POLR1D: variants seen among roughly 807,000 people sequenced by gnomAD.
The protein encoded by POLR1D is DNA-directed RNA polymerases I and III subunit RPAC2.
A neutral mutation model predicts 10.8 loss-of-function variants in POLR1D; 8 were observed. The observed-to-expected ratio is 0.74, with a 90% CI of 0.43 to 1.33. The LOEUF (loss-of-function observed/expected upper bound fraction) is 1.33. Among genes scored for constraint, POLR1D ranks in the 40% most tolerant of loss-of-function variants. The probability of loss-of-function intolerance (pLI) is 0.01; values close to 1 mark genes in which losing one functional copy is unlikely to be tolerated. For synonymous variants in POLR1D, 54 were observed against 57.2 expected (o/e 0.94, Z 0.25); for missense variants, 152 against 161.7 (o/e 0.94, Z 0.32).
chr13:27,659,214 G>A (rs1177032674), intron 2 of POLR1D, among the ~76,000 whole-genome samples: 1 of 152,216 alleles, frequency 6.6e-6, no homozygotes, highest in Non-Finnish European at 1.5e-5. Flanking sequence ...CAGCAGGTAT[G>A]TTAAGAGGCT....
At chr13:27,627,930 A>G (rs1399164735), downstream of POLR1D, among the ~76,000 whole-genome samples, 1 of 152,150 alleles carries the variant, frequency 6.6e-6, no homozygotes, top group Admixed American at 6.5e-5. Flanking sequence ...GACAGATTCT[A>G]TAGAGGGGTA....
chr13:27,666,474 A>G (rs1956420209), exon 3 of POLR1D: 1 of 152,608 alleles, frequency 6.6e-6, no homozygotes, highest in South Asian at 2.1e-4. Flanking sequence ...TTAGGTGAAC[A>G]ATGTAGGAAA....
chr13:27,634,814 C>CAT (rs1438899792), intron 1 of POLR1D, among the ~76,000 whole-genome samples: 1 of 151,646 alleles, frequency 6.6e-6, no homozygotes, highest in Non-Finnish European at 1.5e-5. Flanking sequence ...TAGCTGGGAC[C>CAT]ATAGGTTCAA....
intron 1 of POLR1D, among the ~76,000 whole-genome samples, chr13:27,633,364 C>T (rs1026483177): frequency 2.0e-5 from 3 of 152,136 alleles, no homozygotes; most frequent in Non-Finnish European, 4.4e-5. Flanking sequence ...CCTGTTCTAC[C>T]CATATACCTA....
intron 1 of POLR1D, chr13:27,622,295 G>C (rs547042939): frequency 6.0e-5 from 33 of 552,584 alleles, no homozygotes; most frequent in Admixed American, 9.5e-5. Flanking sequence ...CTCTGCTCCT[G>C]AGGACGGTAC....
At chr13:27,626,371 T>C (rs1469834610), downstream of POLR1D, among the ~76,000 whole-genome samples, 2 of 152,228 alleles carry the variant, frequency 1.3e-5, no homozygotes, top group Non-Finnish European at 2.9e-5. Context: ...GAATTTAGAC[T>C]GATCACGTAG....
chr13:27,645,215 AGTTCT>A (rs1022874897), intron 1 of POLR1D, among the ~76,000 whole-genome samples: 2 of 152,080 alleles, frequency 1.3e-5, no homozygotes, highest in African/African-American at 4.8e-5. Flanking sequence ...CCTATCCCCC[AGTTCT>A]CTTTGAATGA....
At chr13:27,641,756 C>T (rs963119422) in intron 1 of POLR1D, among the ~76,000 whole-genome samples, 5 of 152,094 alleles carry the variant, frequency 3.3e-5, no homozygotes, top group African/African-American at 1.2e-4. Context: ...TCGGGAAAGG[C>T]TTGGTGGAGA....
At chr13:27,627,230 T>A (rs1956020439), downstream of POLR1D, among the ~76,000 whole-genome samples, 1 of 152,178 alleles carries the variant, frequency 6.6e-6, no homozygotes, top group African/African-American at 2.4e-5. Context: ...ATGTTGCTAT[T>A]TTCTTTTCCT....
At chr13:27,642,267 A>G (rs770637573) in intron 1 of POLR1D, among the ~76,000 whole-genome samples, 1 of 152,164 alleles carries the variant, frequency 6.6e-6, no homozygotes, top group Non-Finnish European at 1.5e-5. Context: ...AAAGTCCTCA[A>G]TCCTGACAGG....
At position 27,623,206 on chromosome 13, in the gene POLR1D, GA is replaced by G. The variant is rs1368626203; in HGVS notation, c.359del (p.Asp120AlafsTer32). 1.7e-5 allele frequency: 27 copies of G among 1,613,976 alleles called. No individual in the cohort carries two copies. Among genetic ancestry groups the G allele is most frequent in the Non-Finnish European group, 1.9e-5 (23 of 1,180,028 alleles). On this transcript the variant is annotated frameshift_variant, in exon 2 of 2. Coordinates refer to ENST00000302979, the MANE Select transcript of POLR1D (RefSeq NM_015972.4). LOFTEE classifies it high-confidence loss of function. ...TGACAAGTTTGAGGCCAGCATAAAG[GA>G]CTATAAGGATCAAAAAGCAAGCAGA... ...VLDKFEASIK[D>X]YKDQKASRNE...
chr13:27,655,004 T>C (rs1485200270), intron 2 of POLR1D, among the ~76,000 whole-genome samples: 1 of 152,160 alleles, frequency 6.6e-6, no homozygotes, highest in African/African-American at 2.4e-5. Context: ...ACGGGTCACA[T>C]GGTGAGAACT....
intron 2 of POLR1D, among the ~76,000 whole-genome samples, chr13:27,654,364 T>G (rs1228206284): frequency 6.6e-6 from 1 of 152,210 alleles, no homozygotes; most frequent in Non-Finnish European, 1.5e-5. Context: ...AGCTTCCAAA[T>G]GTTGACACGT....
At chr13:27,622,430 G>A (rs941904972) in intron 1 of POLR1D, 4 of 294,568 alleles carry the variant, frequency 1.4e-5, no homozygotes, top group African/African-American at 8.8e-5. Flanking sequence ...CATTCTCCTA[G>A]TTTCCTTCTC....
intron 2 of POLR1D, among the ~76,000 whole-genome samples, chr13:27,657,457 C>G (rs756737720): frequency 1.3e-5 from 2 of 152,010 alleles, no homozygotes; most frequent in African/African-American, 4.8e-5. Flanking sequence ...ACCTAGGAGG[C>G]GGAGGTTGCA....
At chr13:27,632,167 T>A (rs867049093) in intron 1 of POLR1D, among the ~76,000 whole-genome samples, 5 of 152,212 alleles carry the variant, frequency 3.3e-5, no homozygotes, top group South Asian at 4.1e-4. Flanking sequence ...TTTAAAAAGG[T>A]AGAATATCTC....
exon 3 of POLR1D, chr13:27,665,929 C>T (rs1246861000): frequency 3.7e-6 from 6 of 1,614,102 alleles, no homozygotes; most frequent in Admixed American, 3.3e-5. Context: ...AGGACAAGTA[C>T]GAAAAGCGGT....
intron 1 of POLR1D, chr13:27,646,287 T>C: frequency 6.6e-6 from 1 of 152,228 alleles, no homozygotes; most frequent in East Asian, 1.9e-4. Context: ...ATATTTGGAA[T>C]ATTTATACCC....
At chr13:27,636,573 T>G (rs1230403729) in intron 1 of POLR1D, among the ~76,000 whole-genome samples, 1 of 152,200 alleles carries the variant, frequency 6.6e-6, no homozygotes, top group Non-Finnish European at 1.5e-5. Flanking sequence ...AAGCAAACGC[T>G]AAGAGAGAAT....
Sources: allele counts gnomAD v4.1 joint callset (sites outside exome capture counted in the v4.1 genomes callset), GRCh38; gene constraint gnomAD v4.1.1; transcripts MANE v1.5; gene names NCBI Gene and HGNC (gene_info 2026-07-23, HGNC 2026-07-21).